MSRA: variants seen among roughly 807,000 people sequenced by gnomAD.
MSRA encodes methionine sulfoxide reductase A.
MSRA carries 54 observed loss-of-function variants against 31.3 expected under a neutral mutation model. The observed-to-expected ratio is 1.73, with a 90% CI of 1.39 to 2.17. MSRA has a LOEUF of 2.17. Ranked by LOEUF, MSRA falls within the 30% of genes most tolerant of loss-of-function variation. MSRA has a pLI of 0.00. For missense variants in MSRA, 507 were observed against 300.9 expected (o/e 1.69, Z -5.07); for synonymous variants, 169 against 116.5 (o/e 1.45, Z -2.90).
intron 3 of MSRA, among the ~76,000 whole-genome samples, chr8:10,265,057 G>A (rs78076547): frequency 1.2e-3 from 184 of 152,280 alleles, no homozygotes; most frequent in Non-Finnish European, 2.1e-3. Flanking sequence ...GGAAGCAAGA[G>A]CATTGAGAGC....
intron 1 of MSRA, among the ~76,000 whole-genome samples, chr8:10,094,905 C>T (rs1799045787): frequency 6.6e-6 from 1 of 152,128 alleles, no homozygotes. Flanking sequence ...GTTTTATTTT[C>T]CTTTTTATTG....
intron 2 of MSRA, among the ~76,000 whole-genome samples, chr8:10,219,830 A>G (rs1215690998): frequency 1.8e-4 from 26 of 146,570 alleles, no homozygotes; most frequent in South Asian, 6.7e-4. Flanking sequence ...AAAAAAAAAG[A>G]TATTTGTTAG....
chr8:10,416,500 G>A (rs1808468140), intron 5 of MSRA, among the ~76,000 whole-genome samples: 1 of 152,236 alleles, frequency 6.6e-6, no homozygotes, highest in African/African-American at 2.4e-5. Context: ...ATCACTGGCT[G>A]GAGCATGGCT....
chr8:10,357,566 A>G (rs535416144), intron 5 of MSRA, among the ~76,000 whole-genome samples: 1 of 152,334 alleles, frequency 6.6e-6, no homozygotes, highest in Non-Finnish European at 1.5e-5. Flanking sequence ...TCCTTTTACC[A>G]TGACTTCAGG....
rs187479542 is a variant in MSRA, at chr8:10,236,626, C to G, written c.212-8478C>G. 1.6e-3 allele frequency among the ~76,000 whole-genome samples: 241 copies of G among 152,334 alleles called. 3 individuals carry two copies. Among genetic ancestry groups the G allele is most frequent in the Middle Eastern group, 0.014 (4 of 294 alleles). The stretch of plus-strand genomic sequence containing the variant: ...GTGGTGGAATCTCAGCTCGCTGCAA[C>G]CTCTGCCTCCTGAGTTCAAGCGATT... On this transcript the variant is annotated intron_variant, in intron 2 of 5. Transcript: ENST00000317173.
At chr8:10,343,519 C>T (rs1273653481) in intron 5 of MSRA, among the ~76,000 whole-genome samples, 1 of 152,162 alleles carries the variant, frequency 6.6e-6, no homozygotes, top group African/African-American at 2.4e-5. Flanking sequence ...ATGTCTGCTT[C>T]TGTAGCACCG....
At chr8:10,299,149 G>T (rs1469797030) in intron 3 of MSRA, among the ~76,000 whole-genome samples, 1 of 152,056 alleles carries the variant, frequency 6.6e-6, no homozygotes, top group East Asian at 1.9e-4. Context: ...CACTAAAAAT[G>T]TTGGCATTTT....
intron 1 of MSRA, chr8:10,095,980 TTCA>T (rs1799133660): frequency 7.1e-7 from 1 of 1,398,924 alleles, no homozygotes; most frequent in East Asian, 2.6e-5. Flanking sequence ...ATAAAGTTTG[TTCA>T]TCAATACAAA....
chr8:10,160,716 G>C (rs1804562264), intron 1 of MSRA, among the ~76,000 whole-genome samples: 1 of 151,992 alleles, frequency 6.6e-6, no homozygotes, highest in South Asian at 2.1e-4. Context: ...TTTTAGTAGA[G>C]ACAGGATTTC....
Position 10,388,534 on chromosome 8 carries a change from C to T in MSRA, c.544-39614C>T, listed in dbSNP as rs377278695. On this transcript the variant is annotated intron_variant, in intron 5 of 5. Coordinates refer to ENST00000317173, the MANE Select transcript of MSRA (RefSeq NM_012331.5). ...GGCATATTCTGGTCTCCTGCGTGAG[C>T]TTCGAAAAATCCTGCAAGATGGGAG... Among the ~76,000 whole-genome samples, 68 of 152,294 alleles carry T rather than the reference C, an allele frequency of 4.5e-4. 1 individual carries two copies. In the South Asian group the frequency reaches 0.013, roughly 29 times the overall value.
chr8:10,142,062 G>T (rs926714221), intron 1 of MSRA, among the ~76,000 whole-genome samples: 2 of 152,184 alleles, frequency 1.3e-5, no homozygotes, highest in African/African-American at 4.8e-5. Context: ...GGGTTCAAGC[G>T]ATTCTCCTGT....
At chr8:10,284,974 A>T (rs1275848241) in intron 3 of MSRA, among the ~76,000 whole-genome samples, 3 of 152,066 alleles carry the variant, frequency 2.0e-5, no homozygotes, top group Non-Finnish European at 4.4e-5. Context: ...TAGCAACTTG[A>T]ACAAAGAATT....
At chr8:10,167,339 T>C (rs753347491) in intron 1 of MSRA, among the ~76,000 whole-genome samples, 1 of 152,194 alleles carries the variant, frequency 6.6e-6, no homozygotes, top group Non-Finnish European at 1.5e-5. Context: ...AATCACATAA[T>C]GATCTTGGGA....
chr8:10,356,572 G>C (rs1025632190), intron 5 of MSRA, among the ~76,000 whole-genome samples: 1 of 152,180 alleles, frequency 6.6e-6, no homozygotes, highest in East Asian at 1.9e-4. Flanking sequence ...CACCCACAAG[G>C]TGATGGGATT....
intron 2 of MSRA, among the ~76,000 whole-genome samples, chr8:10,219,111 G>A (rs989005830): frequency 1.2e-4 from 19 of 152,328 alleles, no homozygotes; most frequent in Admixed American, 6.5e-4. Flanking sequence ...GCTTCTAGAT[G>A]TGCAATGCCT....
At chr8:10,181,073 T>C (rs1563189211) in intron 1 of MSRA, among the ~76,000 whole-genome samples, 1 of 152,184 alleles carries the variant, frequency 6.6e-6, no homozygotes, top group Non-Finnish European at 1.5e-5. Context: ...AAACTGGAGA[T>C]AGGTGAGAAT....
chr8:10,066,486 T>C (rs1797460330), intron 1 of MSRA, among the ~76,000 whole-genome samples: 1 of 152,232 alleles, frequency 6.6e-6, no homozygotes, highest in Non-Finnish European at 1.5e-5. Context: ...TGTATCTTGC[T>C]TTTCTTGCTT....
intron 4 of MSRA, among the ~76,000 whole-genome samples, chr8:10,304,862 C>T (rs1164869514): frequency 6.6e-6 from 1 of 152,190 alleles, no homozygotes; most frequent in Non-Finnish European, 1.5e-5. Flanking sequence ...TGATTCTGAT[C>T]TGTGAGGCAG....
chr8:10,137,003 G>C (rs560505188), intron 1 of MSRA, among the ~76,000 whole-genome samples: 5 of 152,312 alleles, frequency 3.3e-5, no homozygotes, highest in South Asian at 4.1e-4. Context: ...CATATAGATA[G>C]ATCAAATATA....
Sources: allele counts gnomAD v4.1 joint callset (sites outside exome capture counted in the v4.1 genomes callset), GRCh38; gene constraint gnomAD v4.1.1; transcripts MANE v1.5; gene names NCBI Gene and HGNC (gene_info 2026-07-23, HGNC 2026-07-21).